SMAD6: variants seen among roughly 807,000 people sequenced by gnomAD.
SMAD6 encodes the protein MAD homolog 6.
SMAD6 carries 103 observed loss-of-function variants against 39.4 expected under a neutral mutation model. The observed-to-expected ratio is 2.62, with a 90% CI of 2.23 to 3.08. The LOEUF is 3.08. Among genes scored for constraint, SMAD6 ranks in the 30% most tolerant of loss-of-function variants. The probability of loss-of-function intolerance (pLI) is 0.00; values close to 1 mark genes in which losing one functional copy is unlikely to be tolerated. For missense variants in SMAD6, 1,104 were observed against 742.9 expected (o/e 1.49, Z -5.65); for synonymous variants, 445 against 353.3 (o/e 1.26, Z -2.91).
chr15:66,771,705 G>A (rs1894382607), intron 3 of SMAD6, among the ~76,000 whole-genome samples: 1 of 152,200 alleles, frequency 6.6e-6, no homozygotes, highest in Middle Eastern at 3.2e-3. Context: ...TGAGGATGGG[G>A]ATGATTCTGC....
At chr15:66,736,488 C>T (rs144035045) in intron 3 of SMAD6, among the ~76,000 whole-genome samples, 22 of 152,268 alleles carry the variant, frequency 1.4e-4, no homozygotes, top group African/African-American at 4.6e-4. Flanking sequence ...CTGATGGGTA[C>T]AGCACTAACA....
intron 3 of SMAD6, among the ~76,000 whole-genome samples, chr15:66,775,060 C>T (rs961243038): frequency 6.6e-6 from 1 of 152,048 alleles, no homozygotes; most frequent in Admixed American, 6.6e-5. Flanking sequence ...TGGGGTTCTG[C>T]CATGTTGGCC....
chr15:66,768,213 CCT>C (rs1894323168), intron 3 of SMAD6, among the ~76,000 whole-genome samples: 1 of 152,088 alleles, frequency 6.6e-6, no homozygotes, highest in Admixed American at 6.5e-5. Context: ...CGCAAGTGAA[CCT>C]CTCACCTTGG....
At chr15:66,726,683 G>C (rs182996796) in intron 3 of SMAD6, among the ~76,000 whole-genome samples, 6 of 152,228 alleles carry the variant, frequency 3.9e-5, no homozygotes, top group Non-Finnish European at 5.9e-5. Context: ...CCAGCTCCTA[G>C]TCCTGACTCT....
chr15:66,740,981 C>A (rs1428815319), intron 3 of SMAD6: 1 of 152,198 alleles, frequency 6.6e-6, no homozygotes, highest in Non-Finnish European at 1.5e-5. Context: ...TTAGCAGGAA[C>A]GAGCTCATTT....
intron 3 of SMAD6, among the ~76,000 whole-genome samples, chr15:66,733,342 G>C (rs1438412489): frequency 6.6e-6 from 1 of 152,156 alleles, no homozygotes; most frequent in Admixed American, 6.5e-5. Context: ...GCCTGCTAGG[G>C]TTTTGATTGG....
chr15:66,739,646 A>G (rs1372958307), intron 3 of SMAD6, among the ~76,000 whole-genome samples: 2 of 152,044 alleles, frequency 1.3e-5, no homozygotes, highest in African/African-American at 2.4e-5. Flanking sequence ...ACTTGTACCT[A>G]TTTGCTCTTG....
intron 3 of SMAD6, among the ~76,000 whole-genome samples, chr15:66,761,826 G>A (rs1046567386): frequency 1.3e-5 from 2 of 152,128 alleles, no homozygotes; most frequent in Admixed American, 6.5e-5. Context: ...GCTGCTAGAC[G>A]GTACATTCCA....
intron 3 of SMAD6, among the ~76,000 whole-genome samples, chr15:66,766,870 C>G (rs1207948713): frequency 6.6e-6 from 1 of 152,198 alleles, no homozygotes; most frequent in Admixed American, 6.5e-5. Context: ...TGAACTGGAT[C>G]ATGGAAAACA....
At chr15:66,775,810 C>T (rs999513119) in intron 3 of SMAD6, among the ~76,000 whole-genome samples, 1 of 152,210 alleles carries the variant, frequency 6.6e-6, no homozygotes, top group Non-Finnish European at 1.5e-5. Context: ...TGGGAGATGG[C>T]AGTACCACAG....
intron 3 of SMAD6, chr15:66,741,131 T>C (rs1484290652): frequency 1.3e-5 from 2 of 150,496 alleles, no homozygotes; most frequent in Admixed American, 1.3e-4. Flanking sequence ...ATAACAATAA[T>C]AAAAAAAAAA....
At chr15:66,718,541 G>C (rs1442692091) in intron 3 of SMAD6, among the ~76,000 whole-genome samples, 1 of 152,224 alleles carries the variant, frequency 6.6e-6, no homozygotes, top group Non-Finnish European at 1.5e-5. Flanking sequence ...CAAGGACATT[G>C]AGTGAGGTCT....
chr15:66,763,885 A>G (rs942935223), intron 3 of SMAD6, among the ~76,000 whole-genome samples: 1 of 152,238 alleles, frequency 6.6e-6, no homozygotes, highest in African/African-American at 2.4e-5. Context: ...GAAGATGGGC[A>G]TGGAGATAAC....
Position 66,716,460 on chromosome 15 carries a change from C to G in SMAD6, c.914C>G (p.Ala305Gly), listed in dbSNP as rs1396442472. The change falls in exon 3 of 4, where the codon GCT (alanine) becomes GGT (glycine). Residue 305 changes from alanine to glycine, a missense_variant. Ala to Gly is a moderately conservative substitution (Grantham distance 60, BLOSUM62 0). Transcript: ENST00000288840. ...ACATTGTCTTACACTGAAACGGAGG[C>G]TACCAACTCCCTCATCACTGCTCCG... Reference protein sequence around the residue: ...DSTLSYTETEATNSLITAPGE... With the variant: ...DSTLSYTETEGTNSLITAPGE... 1 of 1,613,880 alleles carries G rather than the reference C, an allele frequency of 6.2e-7. No homozygotes were observed. Among genetic ancestry groups the G allele is most frequent in the Non-Finnish European group, 8.5e-7 (1 of 1,179,684 alleles).
intron 3 of SMAD6, among the ~76,000 whole-genome samples, chr15:66,765,962 T>A (rs1894280744): frequency 6.6e-6 from 1 of 152,056 alleles, no homozygotes; most frequent in Admixed American, 6.5e-5. Flanking sequence ...CCAGATTAAT[T>A]AATAATTGAG....
At chr15:66,736,585 G>GA (rs1464070039) in intron 3 of SMAD6, among the ~76,000 whole-genome samples, 2 of 152,022 alleles carry the variant, frequency 1.3e-5, no homozygotes, top group African/African-American at 4.8e-5. Context: ...GGACAGCTTT[G>GA]AAAAAATATT....
At chr15:66,710,460 G>A (rs868648460) in intron 1 of SMAD6, among the ~76,000 whole-genome samples, 1 of 152,204 alleles carries the variant, frequency 6.6e-6, no homozygotes, top group Non-Finnish European at 1.5e-5. Context: ...TGGAAAAGCC[G>A]GGGTGGGGAA....
At position 66,718,111 on chromosome 15, in the gene SMAD6, C is replaced by CGTGTGTGTGTGTGTGTGTGTGTGTGT. The variant is rs57053370; in HGVS notation, c.952+1628_952+1653dup. Among the ~76,000 whole-genome samples the CGTGTGTGTGTGTGTGTGTGTGTGTGT allele has an allele frequency of 1.1e-4, 15 of 137,260 alleles. 1 individual carries two copies. The highest frequency in any genetic ancestry group is 4.3e-4 in the African/African-American group (15 of 35,034). The allele number at this position is 137,260 out of a possible 152,430, so 90.0% of individuals were successfully genotyped here. A position where few individuals can be genotyped will look rare whatever the true frequency, so the allele number is the denominator to read the frequency against. ...TCCCTATTGTTAATGATGGAAAGTC[C>CGTGTGTGTGTGTGTGTGTGTGTGTGT]GTGTGTGTGTGTGTGTGTGTGTGTG... On this transcript the variant is annotated intron_variant, in intron 3 of 3. Coordinates refer to ENST00000288840, the MANE Select transcript of SMAD6 (RefSeq NM_005585.5).
rs779061201 is a variant in SMAD6, at chr15:66,703,843, G to C, written c.585G>C (p.Val195=). Residue 195 remains valine, a synonymous_variant, in exon 1 of 4, where the codon GTG becomes GTC. Coordinates refer to ENST00000288840, the MANE Select transcript of SMAD6 (RefSeq NM_005585.5). ...ERSLDTLLEA[V]ESRGGVPGGC... is the part of the protein sequence containing the mutation. ...CGCTGGACACGCTGCTGGAGGCGGT[G>C]GAGTCCCGCGGCGGCGTGCCGGGCG... 4 of 1,368,446 alleles carry C rather than the reference G, an allele frequency of 2.9e-6. No homozygotes were observed. The highest frequency in any genetic ancestry group is 3.8e-6 in the Non-Finnish European group (4 of 1,049,098). The allele number at this position is 1,368,446 out of a possible 1,614,324, so 84.8% of individuals were successfully genotyped here.
Sources: allele counts gnomAD v4.1 joint callset (sites outside exome capture counted in the v4.1 genomes callset), GRCh38; gene constraint gnomAD v4.1.1; transcripts MANE v1.5; gene names NCBI Gene and HGNC (gene_info 2026-07-23, HGNC 2026-07-21).